Variants in ZFAND4 observed in about 807,000 individuals in gnomAD.
ZFAND4 encodes zinc finger AN1-type containing 4, also known as AN1-type zinc finger protein 4.
In ZFAND4, 43 loss-of-function variants were observed where a neutral mutation model predicts 64.4. The ratio of observed to expected loss-of-function variants is 0.67; its 90% CI spans 0.52 to 0.86. The LOEUF is 0.86. ZFAND4 is among the 40% of genes least tolerant of loss of function. ZFAND4 has a pLI of 0.00. For synonymous variants in ZFAND4, 296 were observed against 305.7 expected (o/e 0.97, Z 0.33); for missense variants, 929 against 859.8 (o/e 1.08, Z -1.01).
At chr10:45,638,532 G>T (rs1057503992) in intron 6 of ZFAND4, among the ~76,000 whole-genome samples, 2 of 151,826 alleles carry the variant, frequency 1.3e-5, no homozygotes, top group African/African-American at 4.8e-5. Context: ...AAAATGCTTG[G>T]CAAAATTGTC....
At chr10:45,670,020 G>C (rs2049075447) in intron 1 of ZFAND4, among the ~76,000 whole-genome samples, 1 of 152,146 alleles carries the variant, frequency 6.6e-6, no homozygotes, top group African/African-American at 2.4e-5. Context: ...AGTGTTGGAA[G>C]TTCTGGCCAG....
At chr10:45,617,995 C>A in intron 9 of ZFAND4, 145 bp downstream of exon 9, 1 of 776,780 alleles carries the variant, frequency 1.3e-6, no homozygotes, top group Middle Eastern at 2.5e-4. Flanking sequence ...TTTACTTCAG[C>A]CAATTAGAAG....
intron 2 of ZFAND4, among the ~76,000 whole-genome samples, chr10:45,656,174 T>A (rs1270402977): frequency 6.6e-6 from 1 of 152,076 alleles, no homozygotes; most frequent in African/African-American, 2.4e-5. Context: ...GAGGTTGCAG[T>A]GAGCTGAGAT....
At position 45,626,757 on chromosome 10, in the gene ZFAND4, C is replaced by T. The variant is rs372955633; in HGVS notation, c.1066G>A (p.Val356Ile). 5 of 1,614,060 alleles carry T rather than the reference C, an allele frequency of 3.1e-6. No individual in the cohort carries two copies. The African/African-American group carries it at 6.7e-5, about 22-fold the overall frequency. ...GGCAGGGATGATCCAAGATGGAGAACAGAGTCAGCAAGCTCCTGGTCATTT... is the reference window on the plus strand; with the variant it reads ...GGCAGGGATGATCCAAGATGGAGAATAGAGTCAGCAAGCTCCTGGTCATTT... ...LGNDQELADS[V>I]LHLGSSLPRQ... The change falls in exon 7 of 10, where the codon GTT becomes ATT. Residue 356 changes from valine (V) to isoleucine (I), a missense_variant. Val to Ile is a conservative substitution (Grantham distance 29, BLOSUM62 3). Transcript: ENST00000344646.
intron 3 of ZFAND4, among the ~76,000 whole-genome samples, 194 bp downstream of exon 3, chr10:45,652,790 T>A (rs2047844532): frequency 1.3e-5 from 2 of 152,098 alleles, no homozygotes. Flanking sequence ...AATAAATGTA[T>A]CAGAGGATAA....
chr10:45,669,211 C>A (rs1404475692), intron 1 of ZFAND4, among the ~76,000 whole-genome samples: 1 of 152,128 alleles, frequency 6.6e-6, no homozygotes, highest in Non-Finnish European at 1.5e-5. Context: ...CACCAGCGAT[C>A]CCACAGAAAT....
intron 5 of ZFAND4, chr10:45,640,457 G>T: frequency 1.7e-6 from 2 of 1,196,582 alleles, no homozygotes; most frequent in Non-Finnish European, 2.1e-6. Context: ...TCATACACAG[G>T]TGTCATCAGA....
At position 45,640,437 on chromosome 10, in the gene ZFAND4, A is replaced by G. The variant is rs200960206; in HGVS notation, c.570-474T>C. 14 of 1,245,222 alleles carry G rather than the reference A, an allele frequency of 1.1e-5. No homozygotes were observed. The African/African-American group carries it at 1.8e-4, about 16-fold the overall frequency. 77.1% of individuals were successfully genotyped at this position (1,245,222 alleles called of 1,614,324 possible). ...GAGATTCTCACTAAAAAAAAAAAAAAAAAAAGAATTCATACACAGGTGTCA... is the reference window on the plus strand; with the variant it reads ...GAGATTCTCACTAAAAAAAAAAAAAGAAAAAGAATTCATACACAGGTGTCA... On this transcript the variant is annotated intron_variant, in intron 5 of 9. Coordinates refer to ENST00000344646, the MANE Select transcript of ZFAND4 (RefSeq NM_174890.4).
intron 2 of ZFAND4, among the ~76,000 whole-genome samples, chr10:45,653,912 C>A (rs950189904): frequency 6.6e-5 from 10 of 152,152 alleles, no homozygotes; most frequent in African/African-American, 2.4e-4. Context: ...GAGATGAAAT[C>A]AATCAAGATG....
At chr10:45,630,928 T>A (rs1482949970) in intron 6 of ZFAND4, among the ~76,000 whole-genome samples, 1 of 147,438 alleles carries the variant, frequency 6.8e-6, no homozygotes, top group Non-Finnish European at 1.5e-5. Flanking sequence ...GCTATGGCAC[T>A]CCAGCCTGGG....
rs774069505 is a variant in ZFAND4, at chr10:45,627,071, G to T, written c.752C>A (p.Pro251His). Residue 251 changes from proline (P) to histidine (H), a missense_variant, in exon 7 of 10, where the codon CCT becomes CAT. Transcript: ENST00000344646. ...KKAVKIKPHP[P>H]VAPRPSSGST... ...ACCACTAGAAGGTCGAGGAGCTACA[G>T]GTGGGTGAGGTTTTATCTTGACAGC... 6.4e-7 allele frequency: 1 copy of T among 1,561,630 alleles called. No homozygotes were observed. Among genetic ancestry groups the T allele is most frequent in the Non-Finnish European group, 8.7e-7 (1 of 1,154,428 alleles).
At chr10:45,625,817 A>C in intron 7 of ZFAND4, 134 bp downstream of exon 7, 1 of 926,502 alleles carries the variant, frequency 1.1e-6, no homozygotes. Context: ...CAAACTAAAT[A>C]AACATTTTCA....
chr10:45,648,577 T>A (rs746376075), intron 4 of ZFAND4, 43 bp from the exon 5 acceptor site: 2 of 1,563,502 alleles, frequency 1.3e-6, no homozygotes, highest in East Asian at 4.5e-5. Context: ...TTGGATCAAG[T>A]TTTATGCATC....
intron 5 of ZFAND4, chr10:45,640,496 CATT>C: frequency 9.1e-7 from 1 of 1,093,984 alleles, no homozygotes; most frequent in Non-Finnish European, 1.2e-6. Flanking sequence ...GAGCAAAAAA[CATT>C]TTTTTTTTCT....
At chr10:45,656,546 G>C (rs372452051) in intron 2 of ZFAND4, among the ~76,000 whole-genome samples, 157 of 109,296 alleles carry the variant, frequency 1.4e-3, no homozygotes, top group Non-Finnish European at 2.1e-3. Context: ...AAGAAAGAAA[G>C]AAAAGAAACA....
chr10:45,668,877 T>C (rs1246231870), intron 1 of ZFAND4, among the ~76,000 whole-genome samples: 1 of 152,142 alleles, frequency 6.6e-6, no homozygotes, highest in Non-Finnish European at 1.5e-5. Context: ...CGCACCAGAA[T>C]CTCTGGGACA....
intron 2 of ZFAND4, among the ~76,000 whole-genome samples, chr10:45,660,359 T>G (rs1225595678): frequency 1.3e-5 from 2 of 151,192 alleles, no homozygotes; most frequent in Non-Finnish European, 2.9e-5. Flanking sequence ...GAAAAGAAAA[T>G]AAACTTGGCA....
intron 8 of ZFAND4, among the ~76,000 whole-genome samples, chr10:45,622,318 T>C (rs2045490096): frequency 6.6e-6 from 1 of 152,162 alleles, no homozygotes; most frequent in South Asian, 2.1e-4. Flanking sequence ...AGTGGAACCC[T>C]TACTTTACAC....
rs73292831 is a variant in ZFAND4 at position 45,657,230 on chromosome 10, G to A, written c.185-4171C>T. ...AGGGTTTCGCAATGTTGCCCAGACT[G>A]GTCTTGAACTCCTGGACTTGAGTGA... On this transcript the variant is annotated intron_variant, in intron 2 of 9. Coordinates refer to ENST00000344646, the MANE Select transcript of ZFAND4 (RefSeq NM_174890.4). 7.8e-3 allele frequency among the ~76,000 whole-genome samples: 1,193 copies of A among 152,162 alleles called. 11 individuals carry two copies. The highest frequency in any genetic ancestry group is 0.027 in the African/African-American group (1,138 of 41,496).
Sources: allele counts gnomAD v4.1 joint callset (sites outside exome capture counted in the v4.1 genomes callset), GRCh38; gene constraint gnomAD v4.1.1; transcripts MANE v1.5; gene names NCBI Gene and HGNC (gene_info 2026-07-23, HGNC 2026-07-21).